Variants in FAM241A observed in about 807,000 individuals in gnomAD.
The protein encoded by FAM241A is uncharacterized protein FAM241A.
FAM241A carries 7 observed loss-of-function variants against 12.2 expected under a neutral mutation model. That is an observed-to-expected ratio of 0.58 (90% CI 0.33 to 1.08). The LOEUF (loss-of-function observed/expected upper bound fraction) is 1.08. Among genes scored for constraint, FAM241A ranks in the 50% least tolerant of loss-of-function variants. The probability of loss-of-function intolerance (pLI) is 0.04; values close to 1 mark genes in which losing one functional copy is unlikely to be tolerated. For synonymous variants in FAM241A, 74 were observed against 68.2 expected (o/e 1.08, Z -0.42); for missense variants, 161 against 169.7 (o/e 0.95, Z 0.29).
rs112706386 is a variant in FAM241A, at chr4:112,167,785, A to G, written c.154-18908A>G. On this transcript the variant is annotated intron_variant, in intron 1 of 1. Transcript: ENST00000309733. Reference sequence around the variant, plus strand: ...TAACCTTACTCTTGATAAGCATTCAATTATTATTTGTTGAATTGAACTAAA... The same window carrying G: ...TAACCTTACTCTTGATAAGCATTCAGTTATTATTTGTTGAATTGAACTAAA... Among the ~76,000 whole-genome samples the G allele has an allele frequency of 5.4e-3, 827 of 152,314 alleles. 6 individuals are homozygous for G. Among genetic ancestry groups the G allele is most frequent in the African/African-American group, 0.018 (765 of 41,564 alleles).
In FAM241A at chr4:112,189,088, A is replaced by T. The variant is rs908023020; in HGVS notation, c.*2150A>T. On this transcript the variant is annotated 3_prime_UTR_variant, in exon 2 of 2. Transcript: ENST00000309733. ...ACTGGTAATTTATTTGGTTCATGGTATAAAGAATTAGATTGGGCCGGGCGC... is the reference window on the plus strand; with the variant it reads ...ACTGGTAATTTATTTGGTTCATGGTTTAAAGAATTAGATTGGGCCGGGCGC... 9 of 152,156 alleles carry T rather than the reference A, an allele frequency of 5.9e-5. No individual in the cohort carries two copies. The highest frequency in any genetic ancestry group is 3.9e-4 in the Admixed American group (6 of 15,274). The allele number at this position is 152,156 out of a possible 1,614,324, so 9.4% of individuals were successfully genotyped here.
intron 1 of FAM241A, among the ~76,000 whole-genome samples, chr4:112,164,048 G>A (rs924209689): frequency 6.6e-6 from 1 of 151,826 alleles, no homozygotes; most frequent in Non-Finnish European, 1.5e-5. Flanking sequence ...CTCACTCATA[G>A]GTGGGAATTG....
intron 1 of FAM241A, among the ~76,000 whole-genome samples, chr4:112,146,663 C>T (rs1723144305): frequency 6.6e-6 from 1 of 152,194 alleles, no homozygotes; most frequent in South Asian, 2.1e-4. Flanking sequence ...ATACCTGTCT[C>T]TCCTCATCTT....
rs1303134676 is a variant in FAM241A at position 112,186,857 on chromosome 4, G to C, written c.318G>C (p.Trp106Cys). 1 of 1,613,986 alleles carries C rather than the reference G, an allele frequency of 6.2e-7. No homozygotes were observed. The highest frequency in any genetic ancestry group is 1.1e-5 in the South Asian group (1 of 91,080). ...AACCAGTAATAGTCATTTTCTTTTG[G>C]GTTATGCTGTGGTTCCTTGGCCTGC... is the stretch of plus-strand genomic sequence containing the variant. ...IVEPVIVIFF[W>C]VMLWFLGLQA... Residue 106 changes from tryptophan (W) to cysteine (C), a missense_variant, in exon 2 of 2, where the codon TGG (tryptophan) becomes TGC (cysteine). By Grantham distance (215) the Trp-to-Cys change is radical (BLOSUM62 -2). Coordinates refer to ENST00000309733, the MANE Select transcript of FAM241A (RefSeq NM_152400.3).
Position 112,194,223 on chromosome 4 carries a change from G to GT in FAM241A, c.*7285_*7286insT, listed in dbSNP as rs1724222169. On this transcript the variant is annotated 3_prime_UTR_variant, in exon 2 of 2. Coordinates refer to ENST00000309733, the MANE Select transcript of FAM241A (RefSeq NM_152400.3). ...TGTATCCTGAGACTTTGCTGAAGTT[G>GT]CTTATCAGCTTAAGGAGATTTTGGG... is the stretch of plus-strand genomic sequence containing the variant. 1 of 146,766 alleles carries GT rather than the reference G, an allele frequency of 6.8e-6. No homozygotes were observed. Among genetic ancestry groups the GT allele is most frequent in the Non-Finnish European group, 1.5e-5 (1 of 66,046 alleles). The allele number at this position is 146,766 out of a possible 1,614,324, so 9.1% of individuals were successfully genotyped here.
In FAM241A at chr4:112,186,975, C is replaced by T; in HGVS notation, c.*37C>T. ...ATTGAATTGTTTGACATTTGGTAGC[C>T]ATATATGTAATTGAAGAAGTTATAT... On this transcript the variant is annotated 3_prime_UTR_variant, in exon 2 of 2. Coordinates refer to ENST00000309733, the MANE Select transcript of FAM241A (RefSeq NM_152400.3). The T allele has an allele frequency of 6.3e-7, 1 of 1,580,568 alleles. No homozygotes were observed. The highest frequency in any genetic ancestry group is 8.6e-7 in the Non-Finnish European group (1 of 1,163,090).
In FAM241A at chr4:112,194,607, CAT is replaced by C. The variant is rs1396225620; in HGVS notation, c.*7670_*7671del. 2 of 152,012 alleles carry C rather than the reference CAT, an allele frequency of 1.3e-5. No homozygotes were observed. The highest frequency in any genetic ancestry group is 4.8e-5 in the African/African-American group (2 of 41,356). The allele number at this position is 152,012 out of a possible 1,614,324, so 9.4% of individuals were successfully genotyped here. A position where few individuals can be genotyped will look rare whatever the true frequency, so the allele number is the denominator to read the frequency against. On this transcript the variant is annotated 3_prime_UTR_variant, in exon 2 of 2. Transcript: ENST00000309733. ...CCTTTTCTGCATCTATTGAGATAATCATGTGGTTTTTGTCTTTGGTTCTGTTT... is the reference window on the plus strand; with the variant it reads ...CCTTTTCTGCATCTATTGAGATAATCGTGGTTTTTGTCTTTGGTTCTGTTT...
At chr4:112,147,078 TGTAAG>T (rs1306050570) in intron 1 of FAM241A, among the ~76,000 whole-genome samples, 12 of 152,334 alleles carry the variant, frequency 7.9e-5, no homozygotes, top group Non-Finnish European at 1.6e-4. Flanking sequence ...TTCAAATAGT[TGTAAG>T]GGAGCATATA....
intron 1 of FAM241A, among the ~76,000 whole-genome samples, chr4:112,161,872 AC>A (rs1238407351): frequency 6.6e-6 from 1 of 152,168 alleles, no homozygotes; most frequent in Non-Finnish European, 1.5e-5. Context: ...AGAATTTTAG[AC>A]CGATACCCAT....
intron 1 of FAM241A, among the ~76,000 whole-genome samples, chr4:112,155,798 T>C (rs981747633): frequency 6.6e-5 from 10 of 152,158 alleles, no homozygotes; most frequent in South Asian, 2.1e-4. Context: ...TAAAATACTA[T>C]ATTTGGCTAT....
chr4:112,168,700 T>G (rs1035309484), intron 1 of FAM241A, among the ~76,000 whole-genome samples: 17 of 152,128 alleles, frequency 1.1e-4, no homozygotes, highest in African/African-American at 4.1e-4. Flanking sequence ...GTTTGGCTGT[T>G]GTTGCCCAGG....
chr4:112,183,836 A>C (rs979510263), intron 1 of FAM241A, among the ~76,000 whole-genome samples: 4 of 152,142 alleles, frequency 2.6e-5, no homozygotes, highest in African/African-American at 9.7e-5. Flanking sequence ...TTCAAGTTCT[A>C]CCCTAAAGAA....
At chr4:112,150,526 G>A (rs1016148774) in intron 1 of FAM241A, among the ~76,000 whole-genome samples, 1 of 152,142 alleles carries the variant, frequency 6.6e-6, no homozygotes, top group Non-Finnish European at 1.5e-5. Flanking sequence ...GCAATGCCTA[G>A]AACTTTCAGA....
chr4:112,179,885 A>G (rs1723893607), intron 1 of FAM241A, among the ~76,000 whole-genome samples: 2 of 145,238 alleles, frequency 1.4e-5, no homozygotes, highest in Admixed American at 1.4e-4. Flanking sequence ...CTAGGTGCCC[A>G]TCAATGGTGG....
At chr4:112,179,913 T>TGATATA (rs1357857676) in intron 1 of FAM241A, among the ~76,000 whole-genome samples, 414 of 22,912 alleles carry the variant, frequency 0.018, 10 homozygotes, top group African/African-American at 0.08. Flanking sequence ...AAAGAAAATG[T>TGATATA]GATATATATA....
chr4:112,158,859 C>T (rs556430100), intron 1 of FAM241A, among the ~76,000 whole-genome samples: 35 of 152,098 alleles, frequency 2.3e-4, no homozygotes, highest in South Asian at 4.1e-4. Context: ...ATATTCTCTT[C>T]TAGCTTTTTT....
At chr4:112,183,447 C>CT (rs1723982388) in intron 1 of FAM241A, among the ~76,000 whole-genome samples, 1 of 152,020 alleles carries the variant, frequency 6.6e-6, no homozygotes, top group Non-Finnish European at 1.5e-5. Context: ...TACTAACTCT[C>CT]TGTTTTGATT....
At chr4:112,155,811 G>A (rs58018172) in intron 1 of FAM241A, among the ~76,000 whole-genome samples, 4,499 of 152,200 alleles carry the variant, frequency 0.03, 182 homozygotes, top group East Asian at 0.16. Flanking sequence ...TTGGCTATAT[G>A]AGATATAGTG....
intron 1 of FAM241A, among the ~76,000 whole-genome samples, chr4:112,153,607 C>T (rs112054149): frequency 8.5e-5 from 13 of 152,278 alleles, no homozygotes; most frequent in African/African-American, 3.1e-4. Context: ...CAACCTGATG[C>T]AGAAGATACT....
Sources: allele counts gnomAD v4.1 joint callset (sites outside exome capture counted in the v4.1 genomes callset), GRCh38; gene constraint gnomAD v4.1.1; transcripts MANE v1.5; gene names NCBI Gene and HGNC (gene_info 2026-07-23, HGNC 2026-07-21).